P3H2: variants seen among roughly 807,000 people sequenced by gnomAD.
P3H2 encodes the protein prolyl 3-hydroxylase 2.
In P3H2, 80 loss-of-function variants were observed where a neutral mutation model predicts 87.0. The observed-to-expected ratio is 0.92, with a 90% CI of 0.77 to 1.11. The LOEUF (loss-of-function observed/expected upper bound fraction) is 1.11. Ranked by LOEUF, P3H2 falls within the 50% of genes least tolerant of loss-of-function variation. The pLI, the probability that P3H2 is intolerant of heterozygous loss-of-function variation, is 0.00. For synonymous variants in P3H2, 367 were observed against 359.3 expected, an observed-to-expected ratio of 1.02 and a Z score of -0.24; for missense variants, 1,001 against 923.9, an observed-to-expected ratio of 1.08 and a Z score of -1.08.
rs555599583 is a variant in P3H2 at position 190,065,733 on chromosome 3, C to A, written c.480+54519G>T. Among the ~76,000 whole-genome samples the A allele has an allele frequency of 1.1e-4, 16 of 152,182 alleles. No homozygotes were observed. In the South Asian group the frequency reaches 2.9e-3, roughly 28 times the overall value. ...CCTCTGTTACCAAGATATAAGTAAA[C>A]CATTCTGGGCTACTGCAATAGCCTC... On this transcript the variant is annotated intron_variant, in intron 1 of 14. Transcript: ENST00000319332.
chr3:190,043,339 G>A (rs1459074076), intron 1 of P3H2, among the ~76,000 whole-genome samples: 1 of 152,196 alleles, frequency 6.6e-6, no homozygotes, highest in Non-Finnish European at 1.5e-5. Flanking sequence ...AGGAAGCCAT[G>A]TGGAGCCTAC....
At chr3:189,992,655 T>C (rs533133467) in intron 3 of P3H2, among the ~76,000 whole-genome samples, 32 of 152,312 alleles carry the variant, frequency 2.1e-4, no homozygotes, top group African/African-American at 7.2e-4. Flanking sequence ...TTCACTCTAA[T>C]CACATCACTT....
intron 1 of P3H2, among the ~76,000 whole-genome samples, chr3:190,068,077 C>T (rs2177269): frequency 0.39 from 59,853 of 151,736 alleles, 13,580 homozygotes; most frequent in African/African-American, 0.64. Flanking sequence ...TATAATTTTT[C>T]TCAAATCAAG....
chr3:189,999,678 T>G (rs1369320116), intron 1 of P3H2, among the ~76,000 whole-genome samples: 3 of 151,886 alleles, frequency 2.0e-5, no homozygotes, highest in Non-Finnish European at 4.4e-5. Context: ...CAGGAGCGAG[T>G]AAGTCTAATA....
At chr3:189,989,790 T>G (rs1723822833) in intron 3 of P3H2, among the ~76,000 whole-genome samples, 1 of 152,194 alleles carries the variant, frequency 6.6e-6, no homozygotes, top group South Asian at 2.1e-4. Context: ...GCTCCCATTC[T>G]TCTTGCTTGA....
intron 13 of P3H2, chr3:189,968,959 G>T: frequency 5.9e-6 from 1 of 170,898 alleles, no homozygotes; most frequent in Non-Finnish European, 1.2e-5. Context: ...TGTTTTTCTT[G>T]TAAATTTGTT....
intron 1 of P3H2, among the ~76,000 whole-genome samples, chr3:189,999,585 T>G (rs1724149331): frequency 6.6e-6 from 1 of 152,072 alleles, no homozygotes; most frequent in Non-Finnish European, 1.5e-5. Flanking sequence ...ACCTACCCAC[T>G]CCTCCAATGA....
At chr3:189,990,602 G>A (rs1723847584) in intron 3 of P3H2, among the ~76,000 whole-genome samples, 2 of 152,240 alleles carry the variant, frequency 1.3e-5, no homozygotes, top group South Asian at 2.1e-4. Context: ...GCATTCAGCA[G>A]CCATTTGTAT....
chr3:189,992,841 C>T (rs554357965), intron 3 of P3H2, among the ~76,000 whole-genome samples: 1 of 152,136 alleles, frequency 6.6e-6, no homozygotes, highest in Non-Finnish European at 1.5e-5. Flanking sequence ...AAGTAAATTA[C>T]TATGAACAAT....
chr3:190,094,669 C>T (rs1033388231), intron 1 of P3H2, among the ~76,000 whole-genome samples: 1 of 152,138 alleles, frequency 6.6e-6, no homozygotes, highest in Non-Finnish European at 1.5e-5. Flanking sequence ...ACATTCTGCC[C>T]AACCCAAAAC....
chr3:189,968,627 G>A (rs900616392), intron 13 of P3H2, among the ~76,000 whole-genome samples: 14 of 152,138 alleles, frequency 9.2e-5, no homozygotes, highest in Non-Finnish European at 1.3e-4. Context: ...GGATTGCTGG[G>A]TCAAATGGTA....
intron 1 of P3H2, among the ~76,000 whole-genome samples, chr3:190,119,195 G>GGGAGA (rs1170128554): frequency 6.2e-5 from 4 of 64,394 alleles, no homozygotes; most frequent in Middle Eastern, 0.012. Context: ...AGGAGAGGAG[G>GGGAGA]GGAGAGGAGA....
At chr3:190,034,094 T>C (rs143424979) in intron 1 of P3H2, among the ~76,000 whole-genome samples, 1 of 152,330 alleles carries the variant, frequency 6.6e-6, no homozygotes, top group East Asian at 1.9e-4. Flanking sequence ...AAAGATTTAA[T>C]GTAGTTATTG....
At chr3:190,059,603 G>A (rs980090034) in intron 1 of P3H2, among the ~76,000 whole-genome samples, 10 of 152,112 alleles carry the variant, frequency 6.6e-5, no homozygotes, top group African/African-American at 2.4e-4. Context: ...TTCCTCCAAC[G>A]CCAGCATCAC....
chr3:190,085,365 C>T (rs1727178214), intron 1 of P3H2, among the ~76,000 whole-genome samples: 1 of 152,156 alleles, frequency 6.6e-6, no homozygotes, highest in Admixed American at 6.5e-5. Flanking sequence ...TCAAAGGTAG[C>T]TTACCCCTAA....
chr3:190,008,590 C>T (rs1724467876), intron 1 of P3H2, among the ~76,000 whole-genome samples: 1 of 152,112 alleles, frequency 6.6e-6, no homozygotes, highest in African/African-American at 2.4e-5. Flanking sequence ...GCTCCCTTCC[C>T]CTTGAAATGT....
At chr3:190,004,366 T>C (rs1724312489) in intron 1 of P3H2, among the ~76,000 whole-genome samples, 1 of 152,186 alleles carries the variant, frequency 6.6e-6, no homozygotes, top group Admixed American at 6.5e-5. Context: ...GGGTACGTTA[T>C]GATACAAACG....
intron 1 of P3H2, among the ~76,000 whole-genome samples, chr3:190,071,392 A>G (rs558400985): frequency 6.6e-6 from 1 of 152,342 alleles, no homozygotes; most frequent in East Asian, 1.9e-4. Flanking sequence ...AAATCAGTTA[A>G]ATCCACTCGT....
At chr3:189,987,497 A>C in intron 5 of P3H2, 30 bp downstream of exon 5, 1 of 1,598,656 alleles carries the variant, frequency 6.3e-7, no homozygotes. Context: ...AAAAAAAAAA[A>C]AGAATTTCTT....
Sources: allele counts gnomAD v4.1 joint callset (sites outside exome capture counted in the v4.1 genomes callset), GRCh38; gene constraint gnomAD v4.1.1; transcripts MANE v1.5; gene names NCBI Gene and HGNC (gene_info 2026-07-23, HGNC 2026-07-21).